The following NMT1 variants were observed in gnomAD, a reference collection of about 807,000 sequenced individuals.
NMT1 encodes glycylpeptide N-tetradecanoyltransferase 1.
Under a neutral mutation model 63.4 loss-of-function variants are expected in NMT1, and 12 were observed. The observed-to-expected ratio is 0.19, with a 90% CI of 0.12 to 0.31. The LOEUF (loss-of-function observed/expected upper bound fraction) is 0.31, where lower values mean the gene tolerates loss of function less well. NMT1 is among the 10% of genes least tolerant of loss of function. The pLI is 1.00. For synonymous variants in NMT1, 228 were observed against 234.3 expected, an observed-to-expected ratio of 0.97 and a Z score of 0.25; for missense variants, 432 against 634.6, an observed-to-expected ratio of 0.68 and a Z score of 3.43.
At chr17:45,101,715 G>A (rs919387009) in intron 8 of NMT1, among the ~76,000 whole-genome samples, 1 of 151,568 alleles carries the variant, frequency 6.6e-6, no homozygotes, top group African/African-American at 2.4e-5. Flanking sequence ...CAGTCACTGC[G>A]TTCCTGCTGA....
chr17:45,098,371 C>T lies in NMT1; in HGVS notation c.714-11C>T, dbSNP rs754069061. The T allele has an allele frequency of 2.5e-6, 4 of 1,609,244 alleles. No individual in the cohort carries two copies. In the East Asian group the frequency reaches 6.7e-5, roughly 27 times the overall value. On this transcript the variant is annotated splice_polypyrimidine_tract_variant and intron_variant, in intron 6 of 11. Coordinates refer to ENST00000258960, the MANE Select transcript of NMT1 (RefSeq NM_021079.5). ...TAAAAACCTTGTCACCTGGATTTTTCCCCCTCTTAGAGAGAAGAAGATGGT... is the reference window on the plus strand; with the variant it reads ...TAAAAACCTTGTCACCTGGATTTTTTCCCCTCTTAGAGAGAAGAAGATGGT...
rs998760964 is a variant in NMT1, at chr17:45,105,082, A to G, written c.1470+86A>G. The G allele has an allele frequency of 4.4e-5, 68 of 1,561,730 alleles. No individual in the cohort carries two copies. The highest frequency in any genetic ancestry group is 5.8e-5 in the Non-Finnish European group (66 of 1,143,096). On this transcript the variant is annotated intron_variant, in intron 11 of 11. Coordinates refer to ENST00000258960, the MANE Select transcript of NMT1 (RefSeq NM_021079.5). This position sits in a 1 kb window ranked among gnomAD's most constrained non-coding sequence, Gnocchi z 4.2. The stretch of plus-strand genomic sequence containing the variant: ...AAACCGGGCCATGGGTTGAGGAGAC[A>G]GCCGCAGTCTGGGTCCTTGTTACCT...
At chr17:45,088,182 C>T (rs1186653420) in intron 3 of NMT1, among the ~76,000 whole-genome samples, 2 of 152,168 alleles carry the variant, frequency 1.3e-5, no homozygotes, top group East Asian at 3.9e-4. Flanking sequence ...CCCTCATCGG[C>T]CAGGTCCCAG....
Position 45,104,731 on chromosome 17 carries a change from G to C in NMT1, c.1333-128G>C. 6.7e-7 allele frequency: 1 copy of C among 1,503,060 alleles called. No homozygotes were observed. The allele number at this position is 1,503,060 out of a possible 1,614,324, so 93.1% of individuals were successfully genotyped here. On this transcript the variant is annotated intron_variant, in intron 10 of 11. Coordinates refer to ENST00000258960, the MANE Select transcript of NMT1 (RefSeq NM_021079.5). This position sits in a 1 kb window ranked among gnomAD's most constrained non-coding sequence, Gnocchi z 4.2. ...GAGCGGGGATTAACGTGGAAGCAGC[G>C]GAGCTTCTGAGGGAACCTTGTTCTT...
intron 1 of NMT1, 184 bp downstream of exon 1, chr17:45,061,644 A>G (rs191146550): frequency 1.9e-5 from 11 of 577,230 alleles, no homozygotes; most frequent in Admixed American, 1.0e-4. Context: ...TGCTCTGGAT[A>G]TTAAGGGCCG....
intron 3 of NMT1, among the ~76,000 whole-genome samples, chr17:45,087,435 C>A (rs1049499640): frequency 2.0e-5 from 3 of 152,148 alleles, no homozygotes; most frequent in African/African-American, 7.2e-5. Flanking sequence ...ATATAGATTT[C>A]ATTAGCACCC....
rs921389582 is a variant in NMT1, at chr17:45,104,804, G to T, written c.1333-55G>T. 2.1e-5 allele frequency: 33 copies of T among 1,604,500 alleles called. No homozygotes were observed. In the African/African-American group the frequency reaches 3.7e-4, roughly 18 times the overall value. On this transcript the variant is annotated intron_variant, in intron 10 of 11. Transcript: ENST00000258960. The surrounding 1 kb of genome is among the most constrained non-coding windows in gnomAD (Gnocchi z 4.2). ...TGAAATGGCAGCAAAGGGGTAGGAA[G>T]GAGGCTGTCCCCACCTGTCCTCACC... is the stretch of plus-strand genomic sequence containing the variant.
rs147426138 is a variant in NMT1, at chr17:45,071,791, C to T, written c.132-9853C>T. Among the ~76,000 whole-genome samples the T allele has an allele frequency of 8.2e-3, 1,251 of 152,228 alleles. 15 individuals are homozygous for T. Among genetic ancestry groups the T allele is most frequent in the Non-Finnish European group, 0.014 (978 of 68,018 alleles). ...ATGGAGTACAGTGGCTATTCACAAG[C>T]GTGGTCGTGGGGCACTACTACATCG... On this transcript the variant is annotated intron_variant, in intron 1 of 11. Coordinates refer to ENST00000258960, the MANE Select transcript of NMT1 (RefSeq NM_021079.5).
At chr17:45,095,763 C>G (rs9899380) in intron 4 of NMT1, among the ~76,000 whole-genome samples, 85,463 of 151,784 alleles carry the variant, frequency 0.56, 24,654 homozygotes, top group African/African-American at 0.64. Flanking sequence ...CAGAGTGAGA[C>G]TCTATCTTGA....
At chr17:45,079,801 G>A (rs940635440) in intron 1 of NMT1, among the ~76,000 whole-genome samples, 1 of 152,064 alleles carries the variant, frequency 6.6e-6, no homozygotes, top group Non-Finnish European at 1.5e-5. Context: ...CCAGGTTCAC[G>A]CCATTCTCCT....
chr17:45,075,498 A>G lies in NMT1; in HGVS notation c.132-6146A>G, dbSNP rs536181622. Among the ~76,000 whole-genome samples the G allele has an allele frequency of 8.0e-5, 12 of 150,518 alleles. 1 individual carries two copies. In the East Asian group the frequency reaches 2.4e-3, roughly 29 times the overall value. ...AGACTCTTGTCTTAAAAAAAAAAAA[A>G]TGGCTGGGCGTGGTGGCTCACGCCT... is the stretch of plus-strand genomic sequence containing the variant. On this transcript the variant is annotated intron_variant, in intron 1 of 11. Transcript: ENST00000258960.
At chr17:45,082,882 T>C (rs916137645) in intron 2 of NMT1, among the ~76,000 whole-genome samples, 1 of 151,818 alleles carries the variant, frequency 6.6e-6, no homozygotes, top group African/African-American at 2.4e-5. Context: ...TTGGGCGTGG[T>C]GGCAGGCGCC....
chr17:45,081,973 A>G (rs995007933), intron 2 of NMT1, among the ~76,000 whole-genome samples: 1 of 152,328 alleles, frequency 6.6e-6, no homozygotes, highest in Admixed American at 6.5e-5. Flanking sequence ...ACTCCCAAGC[A>G]TGGTGCCCAT....
At chr17:45,068,722 C>T (rs1013261885) in intron 1 of NMT1, among the ~76,000 whole-genome samples, 2 of 152,026 alleles carry the variant, frequency 1.3e-5, no homozygotes, top group African/African-American at 4.8e-5. Context: ...TCTTAGCTCA[C>T]TACAACCTCT....
Position 45,084,715 on chromosome 17 carries a change from G to A in NMT1, c.241-1793G>A, listed in dbSNP as rs150017271. Among the ~76,000 whole-genome samples the A allele has an allele frequency of 4.8e-3, 728 of 151,240 alleles. 3 individuals are homozygous for A. The highest frequency in any genetic ancestry group is 8.5e-3 in the Admixed American group (129 of 15,156). On this transcript the variant is annotated intron_variant, in intron 2 of 11. Coordinates refer to ENST00000258960, the MANE Select transcript of NMT1 (RefSeq NM_021079.5). ...ACTCCTGGGCTTAAGCAGTCCTCCC[G>A]CCTCAGCCTCCCAAAGTGCTGGGAT...
chr17:45,093,324 C>T (rs952236686), intron 3 of NMT1, among the ~76,000 whole-genome samples: 2 of 152,244 alleles, frequency 1.3e-5, no homozygotes, highest in Admixed American at 1.3e-4. Context: ...ACAAACCCAT[C>T]CAGACTGATG....
chr17:45,084,478 C>G (rs1274966341), intron 2 of NMT1, among the ~76,000 whole-genome samples: 1 of 151,562 alleles, frequency 6.6e-6, no homozygotes, highest in Non-Finnish European at 1.5e-5. Flanking sequence ...GGGACTACAG[C>G]CGCCCGTGAC....
intron 1 of NMT1, chr17:45,061,679 T>C: frequency 2.0e-6 from 1 of 496,944 alleles, no homozygotes; most frequent in Non-Finnish European, 3.6e-6. Flanking sequence ...TTTTATTATA[T>C]AAAAGTTCTA....
intron 1 of NMT1, among the ~76,000 whole-genome samples, chr17:45,077,439 G>A (rs1194234903): frequency 4.6e-5 from 7 of 152,206 alleles, no homozygotes; most frequent in Non-Finnish European, 2.9e-5. Context: ...TACCCAGGCT[G>A]TAGTATAGTG....
Sources: gnomAD v4.1 joint callset for allele counts (sites outside exome capture counted in the v4.1 genomes callset) on GRCh38, gnomAD v4.1.1 for gene constraint, Gnocchi (gnomAD v3.1) non-coding constraint, MANE v1.5 for transcripts, NCBI Gene and HGNC (gene_info 2026-07-23, HGNC 2026-07-21) for gene names.